Variants in TRMT2B observed in about 807,000 individuals in gnomAD.
TRMT2B encodes tRNA methyltransferase 2B, also known as tRNA (uracil-5-)-methyltransferase homolog B.
In TRMT2B, 34 loss-of-function variants were observed where a neutral mutation model predicts 39.7. The ratio of observed to expected loss-of-function variants is 0.86; its 90% CI spans 0.65 to 1.14. The LOEUF (loss-of-function observed/expected upper bound fraction) is 1.14, where lower values mean the gene tolerates loss of function less well. TRMT2B is among the 50% of genes most tolerant of loss of function. The pLI is 0.00. For synonymous variants in TRMT2B, 132 were observed against 137.3 expected, an observed-to-expected ratio of 0.96 and a Z score of 0.27; for missense variants, 318 against 377.2, an observed-to-expected ratio of 0.84 and a Z score of 1.30.
intron 7 of TRMT2B, among the ~76,000 whole-genome samples, chrX:101,031,225 TCA>T (rs1042808012): frequency 3.6e-5 from 4 of 110,028 alleles, no homozygotes; most frequent in African/African-American, 1.3e-4. Context: ...TCCACCCACC[TCA>T]CACTCCCAAA....
At chrX:100,998,834 A>G in the TRMT2B span, among the ~76,000 whole-genome samples, 2 of 110,869 alleles carry the variant, frequency 1.8e-5, no homozygotes, top group Non-Finnish European at 3.8e-5. Context: ...CCAGTATGCT[A>G]TATCGCCTAT....
the TRMT2B span, among the ~76,000 whole-genome samples, chrX:100,975,471 T>C: frequency 5.4e-5 from 6 of 111,447 alleles, no homozygotes; most frequent in Non-Finnish European, 1.1e-4. Flanking sequence ...ATCCCCTAAA[T>C]TGTGAGCCTC....
At chrX:101,010,929 T>G (rs1004787378) in intron 13 of TRMT2B, among the ~76,000 whole-genome samples, 34 of 112,094 alleles carry the variant, frequency 3.0e-4, no homozygotes, top group Non-Finnish European at 2.3e-4. Flanking sequence ...TGCTTAATAT[T>G]CATCTCTGGG....
chrX:100,996,850 T>A, the TRMT2B span, among the ~76,000 whole-genome samples: 1 of 111,235 alleles, frequency 9.0e-6, no homozygotes, highest in Admixed American at 9.6e-5. Flanking sequence ...AGACTGAGGT[T>A]GCAGTGAGCT....
the TRMT2B span, among the ~76,000 whole-genome samples, chrX:100,977,439 G>A: frequency 4.1e-5 from 4 of 96,505 alleles, no homozygotes; most frequent in Non-Finnish European, 6.0e-5. Flanking sequence ...GGAGTGCAGT[G>A]GCACGATCTC....
the TRMT2B span, among the ~76,000 whole-genome samples, chrX:100,975,631 CTT>C: frequency 3.1e-5 from 3 of 97,891 alleles, no homozygotes; most frequent in Admixed American, 1.1e-4. Context: ...ATTTTCTTTG[CTT>C]TTTTTTTTTT....
chrX:101,046,027 T>A (rs905985628), intron 2 of TRMT2B, among the ~76,000 whole-genome samples: 2 of 104,405 alleles, frequency 1.9e-5, no homozygotes, highest in African/African-American at 7.0e-5. Context: ...GTACCTGTAG[T>A]CCCAGCTACT....
At chrX:100,981,026 C>G in the TRMT2B span, among the ~76,000 whole-genome samples, 6 of 111,861 alleles carry the variant, frequency 5.4e-5, no homozygotes, top group Admixed American at 5.7e-4. Context: ...GCTGTGCTGC[C>G]CGGCACTGGT....
chrX:101,017,449 GT>G (rs775542063), intron 13 of TRMT2B, among the ~76,000 whole-genome samples: 2 of 110,257 alleles, frequency 1.8e-5, no homozygotes, highest in East Asian at 5.6e-4. Flanking sequence ...AAATCACTTC[GT>G]TTTTTATACA....
chrX:100,988,105 T>C, the TRMT2B span: 1 of 711,879 alleles, frequency 1.4e-6, no homozygotes, highest in South Asian at 2.7e-5. Flanking sequence ...CAAAGGCATA[T>C]GGCAGGGATG....
At chrX:101,007,890 G>A (rs1172178187), downstream of TRMT2B, among the ~76,000 whole-genome samples, 1 of 110,834 alleles carries the variant, frequency 9.0e-6, no homozygotes, top group East Asian at 2.9e-4. Flanking sequence ...AATACAAGCA[G>A]CAACAGTTGT....
intron 13 of TRMT2B, among the ~76,000 whole-genome samples, chrX:101,011,962 C>A (rs2086271431): frequency 9.0e-6 from 1 of 111,570 alleles, no homozygotes; most frequent in African/African-American, 3.3e-5. Context: ...GCTGTCATCT[C>A]CTATGATAAC....
chrX:100,999,222 A>G, the TRMT2B span, among the ~76,000 whole-genome samples: 1 of 112,139 alleles, frequency 8.9e-6, no homozygotes, highest in African/African-American at 3.2e-5. Context: ...TTGAAGAGAG[A>G]CAATGAGAAA....
chrX:101,027,301 G>A (rs2087156949), intron 7 of TRMT2B, among the ~76,000 whole-genome samples: 1 of 108,940 alleles, frequency 9.2e-6, no homozygotes, highest in African/African-American at 3.3e-5. Flanking sequence ...GCGCGATCTC[G>A]GTTCACTGCA....
At chrX:100,977,590 A>G in the TRMT2B span, among the ~76,000 whole-genome samples, 4,508 of 110,309 alleles carry the variant, frequency 0.041, 95 homozygotes, top group Middle Eastern at 0.089. Flanking sequence ...CATGTTGGCC[A>G]GGCTGGTCTC....
intron 2 of TRMT2B, among the ~76,000 whole-genome samples, chrX:101,045,731 G>A (rs1266527256): frequency 9.0e-6 from 1 of 110,513 alleles, no homozygotes; most frequent in Non-Finnish European, 1.9e-5. Context: ...CCAGTAGGTA[G>A]AGGTTGCAGT....
chrX:101,049,829 G>A (rs1282677915), intron 2 of TRMT2B, among the ~76,000 whole-genome samples: 3 of 108,660 alleles, frequency 2.8e-5, no homozygotes, highest in African/African-American at 6.7e-5. Context: ...GTACGTATTC[G>A]ATATGGAGGA....
chrX:101,037,089 G>C lies in TRMT2B; in HGVS notation c.439-16C>G, dbSNP rs1400694445. 1.8e-6 allele frequency: 2 copies of C among 1,127,458 alleles called. No homozygotes were observed. The allele number at this position is 1,127,458 out of a possible 1,213,427, so 92.9% of individuals were successfully genotyped here. A position where few individuals can be genotyped will look rare whatever the true frequency, so the allele number is the denominator to read the frequency against. On this transcript the variant is annotated splice_polypyrimidine_tract_variant and intron_variant, in intron 5 of 13. Coordinates refer to ENST00000372936, the MANE Select transcript of TRMT2B (RefSeq NM_024917.6). ...TGATGACAGGCTGGAGAGGGCAGAA[G>C]GACAGGAGGGGGATGAGAGGTCAAA...
At chrX:101,027,937 T>C (rs1397196243) in intron 7 of TRMT2B, among the ~76,000 whole-genome samples, 1 of 109,858 alleles carries the variant, frequency 9.1e-6, no homozygotes, top group Non-Finnish European at 1.9e-5. Flanking sequence ...GGGGCTTTTT[T>C]TTTATATTAA....
Sources: allele counts gnomAD v4.1 joint callset (sites outside exome capture counted in the v4.1 genomes callset), GRCh38; gene constraint gnomAD v4.1.1; transcripts MANE v1.5; gene names NCBI Gene and HGNC (gene_info 2026-07-23, HGNC 2026-07-21).